Variants in LRP2BP observed in about 807,000 individuals in gnomAD.
LRP2BP encodes the protein LRP2-binding protein.
Under a neutral mutation model 45.2 loss-of-function variants are expected in LRP2BP, and 38 were observed. The ratio of observed to expected loss-of-function variants is 0.84; its 90% CI spans 0.65 to 1.10. The LOEUF (loss-of-function observed/expected upper bound fraction) is 1.10, where lower values mean the gene tolerates loss of function less well. Among genes scored for constraint, LRP2BP ranks in the 50% least tolerant of loss-of-function variants. The probability of loss-of-function intolerance (pLI) is 0.00; values close to 1 mark genes in which losing one functional copy is unlikely to be tolerated. For missense variants in LRP2BP, 385 were observed against 418.9 expected, an observed-to-expected ratio of 0.92 and a Z score of 0.71; for synonymous variants, 153 against 153.9, an observed-to-expected ratio of 0.99 and a Z score of 0.04.
chr4:185,394,935 C>T lies in LRP2BP; in HGVS notation c.-178G>A, dbSNP rs1343510237. The T allele has an allele frequency of 2.0e-6, 2 of 985,298 alleles. No homozygotes were observed. The highest frequency in any genetic ancestry group is 2.3e-4 in the East Asian group (2 of 8,832). The allele number at this position is 985,298 out of a possible 1,614,324, so 61.0% of individuals were successfully genotyped here. A position where few individuals can be genotyped will look rare whatever the true frequency, so the allele number is the denominator to read the frequency against. On this transcript the variant is annotated 5_prime_UTR_variant, in exon 1 of 9. Transcript: ENST00000505916. ...ATCTTCCGTTTTAGAAAATTGATCC[C>T]ACCTGCTACACGCCTGGTGAAACTC...
At chr4:185,391,826 T>C (rs1179546891) in intron 1 of LRP2BP, among the ~76,000 whole-genome samples, 2 of 152,178 alleles carry the variant, frequency 1.3e-5, no homozygotes, top group Non-Finnish European at 2.9e-5. Flanking sequence ...GTACTGGGTG[T>C]GTTCATTGTT....
chr4:185,377,499 CA>C, intron 2 of LRP2BP: 1 of 167,090 alleles, frequency 6.0e-6, no homozygotes, highest in Non-Finnish European at 1.3e-5. Context: ...GCCTGGGCAA[CA>C]AGAGCGAAAC....
At chr4:185,394,264 T>TAAAAAAA (rs56883920) in intron 1 of LRP2BP, among the ~76,000 whole-genome samples, 1 of 121,396 alleles carries the variant, frequency 8.2e-6, no homozygotes, top group Non-Finnish European at 1.7e-5. Flanking sequence ...GTTTCAGAGT[T>TAAAAAAA]AAAAAAAAAA....
chr4:185,372,601 G>A (rs180699276), intron 7 of LRP2BP, among the ~76,000 whole-genome samples: 4 of 152,290 alleles, frequency 2.6e-5, no homozygotes, highest in East Asian at 3.9e-4. Flanking sequence ...TAGTGTGATC[G>A]TATCAAGAGG....
At chr4:185,389,060 A>G (rs2095480632) in intron 1 of LRP2BP, among the ~76,000 whole-genome samples, 1 of 151,234 alleles carries the variant, frequency 6.6e-6, no homozygotes, top group Non-Finnish European at 1.5e-5. Context: ...TTGTATTTTT[A>G]GTAGAGACAG....
intron 7 of LRP2BP, among the ~76,000 whole-genome samples, chr4:185,372,150 T>C (rs547338811): frequency 3.9e-5 from 6 of 152,340 alleles, no homozygotes; most frequent in African/African-American, 1.2e-4. Context: ...GGTGCAGTTA[T>C]AGAACTGCAT....
chr4:185,394,913 T>A lies in LRP2BP; in HGVS notation c.-156A>T. 1.0e-6 allele frequency: 1 copy of A among 985,474 alleles called. No homozygotes were observed. The highest frequency in any genetic ancestry group is 1.2e-6 in the Non-Finnish European group (1 of 829,938). 61.0% of individuals were successfully genotyped at this position (985,474 alleles called of 1,614,324 possible). A position where few individuals can be genotyped will look rare whatever the true frequency, so the allele number is the denominator to read the frequency against. On this transcript the variant is annotated 5_prime_UTR_variant, in exon 1 of 9. In the 5' UTR this introduces an upstream ATG that the reference lacks. Coordinates refer to ENST00000505916, the MANE Select transcript of LRP2BP (RefSeq NM_001377440.1). ...TATAAAATATGCATCTTAGATCATC[T>A]TCCGTTTTAGAAAATTGATCCCACC...
intron 1 of LRP2BP, among the ~76,000 whole-genome samples, chr4:185,387,538 C>T (rs2095475265): frequency 6.6e-6 from 1 of 152,120 alleles, no homozygotes; most frequent in South Asian, 2.1e-4. Flanking sequence ...ATCTTGCTGC[C>T]TTAAGAATTA....
At position 185,375,649 on chromosome 4, in the gene LRP2BP, C is replaced by T; in HGVS notation, c.294G>A (p.Val98=). The change falls in exon 4 of 9, where the codon GTG becomes GTA. Residue 98 remains valine (V), a synonymous_variant. Transcript: ENST00000505916. ...KDHQATYQLG[V]MYYDGLGTTL... Reference sequence around the variant, plus strand: ...TGGTCCCCAGCCCATCATAGTACATCACTCCTAGCTGGTAAGTTGCTTGAT... The same window carrying T: ...TGGTCCCCAGCCCATCATAGTACATTACTCCTAGCTGGTAAGTTGCTTGAT... The T allele has an allele frequency of 6.2e-7, 1 of 1,611,576 alleles. No individual in the cohort carries two copies.
In LRP2BP at chr4:185,395,757, C is replaced by G. The variant is rs2095500485; in HGVS notation, c.-1000G>C. The G allele has an allele frequency of 3.0e-6, 3 of 985,272 alleles. No homozygotes were observed. The highest frequency in any genetic ancestry group is 4.7e-5 in the South Asian group (1 of 21,290). The allele number at this position is 985,272 out of a possible 1,614,324, so 61.0% of individuals were successfully genotyped here. A position where few individuals can be genotyped will look rare whatever the true frequency, so the allele number is the denominator to read the frequency against. Reference sequence around the variant, plus strand: ...GAAAAGACCACTTATCTTTAGAGGACAAGCATGAACTTGTTTTCTAACAGC... The same window carrying G: ...GAAAAGACCACTTATCTTTAGAGGAGAAGCATGAACTTGTTTTCTAACAGC... On this transcript the variant is annotated 5_prime_UTR_variant, in exon 1 of 9. Transcript: ENST00000505916.
intron 1 of LRP2BP, among the ~76,000 whole-genome samples, chr4:185,393,211 G>A (rs1050860900): frequency 4.6e-5 from 7 of 152,142 alleles, no homozygotes; most frequent in Non-Finnish European, 1.0e-4. Flanking sequence ...GATTACAGGC[G>A]TGAGCCACTG....
chr4:185,385,865 C>T (rs1304146546), intron 1 of LRP2BP, among the ~76,000 whole-genome samples: 3 of 146,766 alleles, frequency 2.0e-5, no homozygotes, highest in Admixed American at 7.1e-5. Context: ...CGTGCCACTG[C>T]ACTCCAGCCT....
At position 185,377,023 on chromosome 4, in the gene LRP2BP, T is replaced by A. The variant is rs748096815; in HGVS notation, c.107-5A>T. 4 of 1,590,242 alleles carry A rather than the reference T, an allele frequency of 2.5e-6. No homozygotes were observed. On this transcript the variant is annotated splice_region_variant and splice_polypyrimidine_tract_variant and intron_variant, in intron 2 of 8. Transcript: ENST00000505916. ...CCAAATTAGCATGGGTGTAATCTGA[T>A]TTTAAAAAGGTAAGGAATTCCATCA...
chr4:185,373,667 C>T (rs1228303615), intron 6 of LRP2BP, among the ~76,000 whole-genome samples: 2 of 152,198 alleles, frequency 1.3e-5, no homozygotes, highest in Non-Finnish European at 2.9e-5. Flanking sequence ...TCCTCTCTCA[C>T]AAGTAGGACT....
intron 1 of LRP2BP, among the ~76,000 whole-genome samples, chr4:185,389,648 T>C (rs1040444049): frequency 6.6e-6 from 1 of 152,234 alleles, no homozygotes; most frequent in Non-Finnish European, 1.5e-5. Flanking sequence ...TTTCAAACTT[T>C]TGAGTGTCTC....
chr4:185,385,576 T>G (rs756700542), intron 1 of LRP2BP, among the ~76,000 whole-genome samples: 1 of 152,022 alleles, frequency 6.6e-6, no homozygotes, highest in Non-Finnish European at 1.5e-5. Flanking sequence ...TCACCCCACC[T>G]CCCCATGTCC....
intron 4 of LRP2BP, among the ~76,000 whole-genome samples, chr4:185,375,359 G>A (rs1212395401): frequency 1.4e-5 from 2 of 144,412 alleles, no homozygotes; most frequent in African/African-American, 5.1e-5. Context: ...TGAAGGCTGA[G>A]GCAGAAGAAT....
At position 185,376,853 on chromosome 4, in the gene LRP2BP, T is replaced by G; in HGVS notation, c.216+56A>C. Reference sequence around the variant, plus strand: ...AGAAACTCTACATGAAATTTTTGTCTGAGGATCTAACAACAGAATTACAGG... The same window carrying G: ...AGAAACTCTACATGAAATTTTTGTCGGAGGATCTAACAACAGAATTACAGG... On this transcript the variant is annotated intron_variant, in intron 3 of 8. Coordinates refer to ENST00000505916, the MANE Select transcript of LRP2BP (RefSeq NM_001377440.1). 3 of 1,284,384 alleles carry G rather than the reference T, an allele frequency of 2.3e-6. 1 individual carries two copies. The highest frequency in any genetic ancestry group is 1.1e-6 in the Non-Finnish European group (1 of 890,514). 79.6% of individuals were successfully genotyped at this position (1,284,384 alleles called of 1,614,324 possible).
intron 1 of LRP2BP, among the ~76,000 whole-genome samples, chr4:185,381,874 T>C (rs2095456864): frequency 6.6e-6 from 1 of 152,234 alleles, no homozygotes; most frequent in Non-Finnish European, 1.5e-5. Flanking sequence ...TACAAATTGA[T>C]ATATAATTCA....
Sources: allele counts gnomAD v4.1 joint callset (sites outside exome capture counted in the v4.1 genomes callset), GRCh38; gene constraint gnomAD v4.1.1; transcripts MANE v1.5; gene names NCBI Gene and HGNC (gene_info 2026-07-23, HGNC 2026-07-21).